Variants in MB21D2 observed in about 807,000 individuals in gnomAD.
MB21D2 encodes the protein Mab-21 domain containing 2, also known as nucleotidyltransferase MB21D2.
A neutral mutation model predicts 33.3 loss-of-function variants in MB21D2; 9 were observed. That is an observed-to-expected ratio of 0.27 (90% CI 0.16 to 0.47). The LOEUF (loss-of-function observed/expected upper bound fraction) is 0.47. Among genes scored for constraint, MB21D2 ranks in the 20% least tolerant of loss-of-function variants. The probability of loss-of-function intolerance (pLI) is 0.99; values close to 1 mark genes in which losing one functional copy is unlikely to be tolerated. For missense variants in MB21D2, 540 were observed against 624.6 expected, an observed-to-expected ratio of 0.86 and a Z score of 1.44; for synonymous variants, 241 against 236.3, an observed-to-expected ratio of 1.02 and a Z score of -0.18.
chr3:192,904,949 C>T (rs537138608), intron 1 of MB21D2, among the ~76,000 whole-genome samples: 2 of 152,306 alleles, frequency 1.3e-5, no homozygotes, highest in East Asian at 3.9e-4. Flanking sequence ...GTAATGAGCC[C>T]GCAGGCACCA....
intron 1 of MB21D2, among the ~76,000 whole-genome samples, chr3:192,862,194 T>C (rs866450866): frequency 6.6e-6 from 1 of 152,186 alleles, no homozygotes; most frequent in African/African-American, 2.4e-5. Flanking sequence ...CACACCTGTT[T>C]CAACCAACAC....
At chr3:192,875,408 A>C (rs147749918) in intron 1 of MB21D2, among the ~76,000 whole-genome samples, 2 of 152,362 alleles carry the variant, frequency 1.3e-5, no homozygotes, top group African/African-American at 4.8e-5. Context: ...AATGTAAACC[A>C]GGATTGCCAC....
intron 1 of MB21D2, among the ~76,000 whole-genome samples, chr3:192,826,815 G>A (rs866501206): frequency 1.3e-5 from 2 of 152,118 alleles, no homozygotes; most frequent in Non-Finnish European, 2.9e-5. Flanking sequence ...GATGAGATTG[G>A]GGAGGACAGC....
In MB21D2 at chr3:192,798,745, T is replaced by G. The variant is rs762561849; in HGVS notation, c.1117A>C (p.Met373Leu). The change falls in exon 2 of 2, where the codon ATG becomes CTG. Residue 373 changes from methionine (M) to leucine (L), a missense_variant. Coordinates refer to ENST00000392452, the MANE Select transcript of MB21D2 (RefSeq NM_178496.4). The surrounding 1 kb of genome is among the most constrained non-coding windows in gnomAD (Gnocchi z 4.8). ...DDLQHCLVNK[M>L]CPNYFIPQCN... ...TGAGGGATGAAATAATTGGGGCACATCTTGTTGACCAGACAGTGTTGCAGG... is the reference window on the plus strand; with the variant it reads ...TGAGGGATGAAATAATTGGGGCACAGCTTGTTGACCAGACAGTGTTGCAGG... 6.2e-7 allele frequency: 1 copy of G among 1,613,442 alleles called. No homozygotes were observed. The highest frequency in any genetic ancestry group is 1.1e-5 in the South Asian group (1 of 91,070).
intron 1 of MB21D2, among the ~76,000 whole-genome samples, chr3:192,910,223 T>C (rs1388885545): frequency 7.1e-6 from 1 of 141,090 alleles, no homozygotes; most frequent in Non-Finnish European, 1.5e-5. Flanking sequence ...CCCAACACTT[T>C]GGGAGGCCAA....
At chr3:192,828,356 A>C (rs1712222937) in intron 1 of MB21D2, among the ~76,000 whole-genome samples, 1 of 151,418 alleles carries the variant, frequency 6.6e-6, no homozygotes, top group African/African-American at 2.4e-5. Flanking sequence ...TCAGCACTTG[A>C]GTCCTACCTG....
At chr3:192,846,444 C>A (rs912998537) in intron 1 of MB21D2, among the ~76,000 whole-genome samples, 11 of 152,114 alleles carry the variant, frequency 7.2e-5, no homozygotes, top group Non-Finnish European at 1.5e-5. Flanking sequence ...ACCTGCTCTA[C>A]CATTCTTCCT....
At chr3:192,849,399 C>T (rs1712746608) in intron 1 of MB21D2, among the ~76,000 whole-genome samples, 1 of 151,574 alleles carries the variant, frequency 6.6e-6, no homozygotes, top group Non-Finnish European at 1.5e-5. Context: ...CTCACTGCAA[C>T]CTCCGCCTCC....
intron 1 of MB21D2, among the ~76,000 whole-genome samples, chr3:192,811,054 T>G (rs1450768901): frequency 6.6e-6 from 1 of 152,128 alleles, no homozygotes; most frequent in African/African-American, 2.4e-5. Flanking sequence ...AAGGGCATTC[T>G]CTCTCCAGCC....
At chr3:192,817,687 G>C (rs1711957330) in intron 1 of MB21D2, among the ~76,000 whole-genome samples, 1 of 152,098 alleles carries the variant, frequency 6.6e-6, no homozygotes, top group African/African-American at 2.4e-5. Flanking sequence ...GTGTGTCACT[G>C]TAACAGTCCA....
intron 1 of MB21D2, among the ~76,000 whole-genome samples, chr3:192,829,940 C>G (rs931267495): frequency 6.6e-6 from 1 of 152,150 alleles, no homozygotes; most frequent in Non-Finnish European, 1.5e-5. Flanking sequence ...GTTGCTCAGG[C>G]TAGTCTTGAA....
At chr3:192,804,881 T>A (rs1288821485) in intron 1 of MB21D2, among the ~76,000 whole-genome samples, 1 of 152,246 alleles carries the variant, frequency 6.6e-6, no homozygotes, top group Non-Finnish European at 1.5e-5. Context: ...GTCTGAGATG[T>A]GGGCATAGCC....
intron 1 of MB21D2, among the ~76,000 whole-genome samples, chr3:192,815,963 T>A (rs745766767): frequency 6.6e-6 from 1 of 152,102 alleles, no homozygotes; most frequent in African/African-American, 2.4e-5. Context: ...GGTCAGTGAG[T>A]ATCAAGTGTG....
chr3:192,817,067 T>TG (rs1460486531), intron 1 of MB21D2, among the ~76,000 whole-genome samples: 1 of 152,248 alleles, frequency 6.6e-6, no homozygotes, highest in Non-Finnish European at 1.5e-5. Context: ...TCCTGTTATT[T>TG]GGGCATGTGA....
rs540589128 is a variant in MB21D2, at chr3:192,832,925, T to C, written c.212-33275A>G. 1.9e-3 allele frequency among the ~76,000 whole-genome samples: 286 copies of C among 152,292 alleles called. 1 individual carries two copies. Among genetic ancestry groups the C allele is most frequent in the South Asian group, 0.016 (75 of 4,822 alleles). ...ACTGCCAGGAATCTTTTATCTAAAA[T>C]TTATGCCCTCAAACAATAGCTATCT... On this transcript the variant is annotated intron_variant, in intron 1 of 1. Transcript: ENST00000392452.
chr3:192,877,444 G>A (rs571461446), intron 1 of MB21D2, among the ~76,000 whole-genome samples: 1 of 152,210 alleles, frequency 6.6e-6, no homozygotes, highest in South Asian at 2.1e-4. Context: ...CACCACACAG[G>A]TCATGCGTAT....
At chr3:192,823,929 C>G (rs1212081326) in intron 1 of MB21D2, among the ~76,000 whole-genome samples, 1 of 152,116 alleles carries the variant, frequency 6.6e-6, no homozygotes, top group African/African-American at 2.4e-5. Context: ...TCTAGATGGC[C>G]TAACAACCTT....
At chr3:192,883,779 A>C (rs2108643827) in intron 1 of MB21D2, among the ~76,000 whole-genome samples, 1 of 152,204 alleles carries the variant, frequency 6.6e-6, no homozygotes, top group South Asian at 2.1e-4. Flanking sequence ...AAGATACATA[A>C]CTATTAAATA....
chr3:192,828,591 CATATATATATAT>C (rs58394740), intron 1 of MB21D2, among the ~76,000 whole-genome samples: 14 of 54,090 alleles, frequency 2.6e-4, no homozygotes, highest in South Asian at 7.9e-4. Flanking sequence ...TCACCCCCCC[CATATATATATAT>C]ATATATATAT....
Sources: allele counts gnomAD v4.1 joint callset (sites outside exome capture counted in the v4.1 genomes callset), GRCh38; gene constraint gnomAD v4.1.1; non-coding constraint Gnocchi (gnomAD v3.1); transcripts MANE v1.5; gene names NCBI Gene and HGNC (gene_info 2026-07-23, HGNC 2026-07-21).